SLCO6A1: variants seen among roughly 807,000 people sequenced by gnomAD.
SLCO6A1 encodes the protein solute carrier organic anion transporter family member 6A1, also known as cancer/testis antigen 48.
In SLCO6A1, 65 loss-of-function variants were observed where a neutral mutation model predicts 72.7. The observed-to-expected ratio is 0.89, with a 90% confidence interval of 0.73 to 1.10. SLCO6A1 has a LOEUF of 1.10. Among genes scored for constraint, SLCO6A1 ranks in the 50% least tolerant of loss-of-function variants. The pLI is 0.00. For synonymous variants in SLCO6A1, 314 were observed against 298.2 expected (o/e 1.05, Z -0.55); for missense variants, 874 against 872.6 (o/e 1.00, Z -0.02).
chr5:102,479,721 T>A (rs1378905516), intron 2 of SLCO6A1, among the ~76,000 whole-genome samples: 1 of 152,092 alleles, frequency 6.6e-6, no homozygotes, highest in Non-Finnish European at 1.5e-5. Context: ...TAACTCTTCT[T>A]CCCACTCCCT....
At chr5:102,383,109 T>TATATATATATATATAG (rs1746216661) in intron 12 of SLCO6A1, among the ~76,000 whole-genome samples, 2 of 148,544 alleles carry the variant, frequency 1.3e-5, no homozygotes, top group Admixed American at 6.7e-5. Context: ...TATATATATA[T>TATATATATATATATAG]AGTGTTTTAT....
intron 4 of SLCO6A1, among the ~76,000 whole-genome samples, chr5:102,460,796 A>T (rs1470451706): frequency 6.6e-6 from 1 of 151,652 alleles, no homozygotes; most frequent in Non-Finnish European, 1.5e-5. Flanking sequence ...ACACTGTCTT[A>T]TTCACTGATG....
chr5:102,472,191 T>G (rs1350354684), intron 4 of SLCO6A1, among the ~76,000 whole-genome samples: 1 of 152,038 alleles, frequency 6.6e-6, no homozygotes, highest in African/African-American at 2.4e-5. Flanking sequence ...AGAGTAAATT[T>G]AGAGAGGCAA....
intron 8 of SLCO6A1, among the ~76,000 whole-genome samples, chr5:102,418,907 A>G (rs1748438439): frequency 1.3e-5 from 2 of 152,100 alleles, no homozygotes; most frequent in South Asian, 4.1e-4. Context: ...ATAAGCCGGC[A>G]GAGTGTTGCA....
intron 1 of SLCO6A1, among the ~76,000 whole-genome samples, chr5:102,498,239 C>T (rs1752996669): frequency 6.6e-6 from 1 of 152,238 alleles, no homozygotes; most frequent in African/African-American, 2.4e-5. Flanking sequence ...GCGTGCCTTA[C>T]TCTTTCTCCA....
intron 6 of SLCO6A1, among the ~76,000 whole-genome samples, chr5:102,450,163 TGGGGA>T: frequency 6.6e-6 from 1 of 152,322 alleles, no homozygotes; most frequent in Non-Finnish European, 1.5e-5. Context: ...TAAGCATTGC[TGGGGA>T]GCTAGTGAGG....
intron 3 of SLCO6A1, 44 bp from the exon 4 acceptor site, chr5:102,475,837 G>T: frequency 7.0e-7 from 1 of 1,422,930 alleles, no homozygotes. Context: ...AATTTCATAA[G>T]CCAGCTTCGT....
intron 7 of SLCO6A1, among the ~76,000 whole-genome samples, chr5:102,428,524 G>C (rs1228154584): frequency 1.3e-5 from 2 of 151,842 alleles, no homozygotes; most frequent in Non-Finnish European, 2.9e-5. Context: ...TTTACATTCA[G>C]GGATACATAT....
At chr5:102,434,562 G>A (rs1026561055) in intron 7 of SLCO6A1, among the ~76,000 whole-genome samples, 3 of 152,162 alleles carry the variant, frequency 2.0e-5, no homozygotes, top group African/African-American at 7.2e-5. Context: ...CAGCACACAT[G>A]AAACTAAGTT....
chr5:102,496,317 A>C (rs1355785744), intron 1 of SLCO6A1, among the ~76,000 whole-genome samples: 1 of 152,248 alleles, frequency 6.6e-6, no homozygotes, highest in Non-Finnish European at 1.5e-5. Flanking sequence ...TTATGTTTGA[A>C]ATGATTTTAA....
chr5:102,382,556 T>C (rs771920986), intron 12 of SLCO6A1, among the ~76,000 whole-genome samples: 1 of 151,596 alleles, frequency 6.6e-6, no homozygotes, highest in South Asian at 2.1e-4. Context: ...CTGCTTGGAA[T>C]CTGTAGGTCA....
chr5:102,412,832 T>G (rs1328695735), intron 9 of SLCO6A1, among the ~76,000 whole-genome samples, 158 bp downstream of exon 9: 2 of 146,496 alleles, frequency 1.4e-5, no homozygotes, highest in Non-Finnish European at 3.0e-5. Flanking sequence ...AAGGGGAAAA[T>G]AAGAAAAAAT....
intron 1 of SLCO6A1, among the ~76,000 whole-genome samples, chr5:102,497,810 C>T (rs1752973647): frequency 6.6e-6 from 1 of 152,190 alleles, no homozygotes; most frequent in Admixed American, 6.5e-5. Context: ...GACTAATCTG[C>T]CTTTGCAGGA....
intron 12 of SLCO6A1, among the ~76,000 whole-genome samples, chr5:102,385,737 T>G (rs1746379416): frequency 6.6e-6 from 1 of 152,062 alleles, no homozygotes; most frequent in African/African-American, 2.4e-5. Context: ...TAGCTGTCTG[T>G]GTACTCGTGT....
intron 12 of SLCO6A1, among the ~76,000 whole-genome samples, chr5:102,386,467 C>T (rs2112503461): frequency 6.6e-6 from 1 of 152,230 alleles, no homozygotes; most frequent in East Asian, 1.9e-4. Flanking sequence ...CTGGAGTGAG[C>T]CTGGACCTTA....
At chr5:102,424,974 T>A (rs2112631109) in intron 7 of SLCO6A1, among the ~76,000 whole-genome samples, 1 of 152,182 alleles carries the variant, frequency 6.6e-6, no homozygotes, top group East Asian at 1.9e-4. Flanking sequence ...CATACACAAA[T>A]CAATAAACAT....
intron 1 of SLCO6A1, among the ~76,000 whole-genome samples, chr5:102,497,353 C>T (rs1480282750): frequency 6.6e-6 from 1 of 152,204 alleles, no homozygotes; most frequent in African/African-American, 2.4e-5. Flanking sequence ...GGATCAGAAA[C>T]CATTTAATGA....
At chr5:102,457,688 A>G (rs1302909936) in intron 6 of SLCO6A1, among the ~76,000 whole-genome samples, 17 of 152,162 alleles carry the variant, frequency 1.1e-4, no homozygotes, top group Non-Finnish European at 4.4e-5. Context: ...GCGGAAGTCA[A>G]TGTGGCGATT....
At chr5:102,427,865 T>TATATATATATATATA (rs1491508485) in intron 7 of SLCO6A1, among the ~76,000 whole-genome samples, 2 of 72,690 alleles carry the variant, frequency 2.8e-5, no homozygotes, top group South Asian at 3.9e-4. Flanking sequence ...TATATATATA[T>TATATATATATATATA]TTTTTTTTTT....
Sources: gnomAD v4.1 joint callset for allele counts (sites outside exome capture counted in the v4.1 genomes callset) on GRCh38, gnomAD v4.1.1 for gene constraint, MANE v1.5 for transcripts, NCBI Gene and HGNC (gene_info 2026-07-23, HGNC 2026-07-21) for gene names.